Variants in PSKH2 observed in about 807,000 individuals in gnomAD.
PSKH2 encodes the protein protein serine kinase H2.
In PSKH2, 16 loss-of-function variants were observed where a neutral mutation model predicts 22.5. The ratio of observed to expected loss-of-function variants is 0.71; its 90% CI spans 0.48 to 1.08. PSKH2 has a LOEUF of 1.08. Ranked by LOEUF, PSKH2 falls within the 50% of genes least tolerant of loss-of-function variation. PSKH2 has a pLI of 0.00. For synonymous variants in PSKH2, 188 were observed against 184.8 expected, an observed-to-expected ratio of 1.02 and a Z score of -0.14; for missense variants, 516 against 492.8, an observed-to-expected ratio of 1.05 and a Z score of -0.44.
In PSKH2 at chr8:86,069,513, TCGGGCCCAGGCCC is replaced by T; in HGVS notation, c.97_109del (p.Gly33ArgfsTer44). On this transcript the variant is annotated frameshift_variant, in exon 1 of 3. Transcript: ENST00000276616. LOFTEE classifies it high-confidence loss of function. ...CCTCTGCGCCGCCTGGGCCGCCGCC[TCGGGCCCAGGCCC>T]CGCGCCTCCGACGCCGGCTTGGTTT... The T allele has an allele frequency of 6.2e-7, 1 of 1,608,584 alleles. No homozygotes were observed.
intron 2 of PSKH2, among the ~76,000 whole-genome samples, chr8:86,054,509 C>T (rs948952091): frequency 6.6e-6 from 1 of 152,138 alleles, no homozygotes; most frequent in African/African-American, 2.4e-5. Context: ...TCTTCCACAT[C>T]TCAGGAAGCA....
chr8:86,069,686 C>T (rs1817919740), upstream of PSKH2: 20 of 1,425,322 alleles, frequency 1.4e-5, no homozygotes, highest in Non-Finnish European at 1.6e-5. Context: ...CCCGTTCCTC[C>T]GCCCTTTATC....
Position 86,064,246 on chromosome 8 carries a change from A to G in PSKH2, c.571T>C (p.Tyr191His). ...HRNLKPENLLYYHPGEESKIL... is the reference protein window; with the variant it reads ...HRNLKPENLLHYHPGEESKIL... ...TTCGACTCTTCACCTGGATGATAGTATAAGAGGTTTTCAGGCTTTAGATTC... is the reference window on the plus strand; with the variant it reads ...TTCGACTCTTCACCTGGATGATAGTGTAAGAGGTTTTCAGGCTTTAGATTC... The change falls in exon 2 of 3, where the codon TAC becomes CAC. Residue 191 changes from tyrosine (Y) to histidine (H), a missense_variant. Transcript: ENST00000276616. 8 of 1,614,168 alleles carry G rather than the reference A, an allele frequency of 5.0e-6. No individual in the cohort carries two copies. Among genetic ancestry groups the G allele is most frequent in the Non-Finnish European group, 6.8e-6 (8 of 1,180,036 alleles).
At chr8:86,057,262 A>G (rs1817711745) in intron 2 of PSKH2, among the ~76,000 whole-genome samples, 2 of 141,514 alleles carry the variant, frequency 1.4e-5, no homozygotes, top group Admixed American at 1.5e-4. Context: ...ACAGTTTTTC[A>G]AAATACTTAA....
Position 86,048,525 on chromosome 8 carries a change from G to A in PSKH2, c.1095C>T (p.Ser365=), listed in dbSNP as rs150734240. 1.9e-6 allele frequency: 3 copies of A among 1,614,010 alleles called. No individual in the cohort carries two copies. The highest frequency in any genetic ancestry group is 2.7e-5 in the African/African-American group (2 of 74,910). Residue 365 remains serine (S), a synonymous_variant, in exon 3 of 3, where the codon TCC becomes TCT. Transcript: ENST00000276616. Reference sequence around the variant, plus strand: ...AGTTTCTCTTGCTCCACATATGCCTGGATTTGTGAGAATAATGTGACTTAG... The same window carrying A: ...AGTTTCTCTTGCTCCACATATGCCTAGATTTGTGAGAATAATGTGACTTAG... ...QSSKSHYSHK[S]RHMWSKRNLR...
chr8:86,064,168 A>G lies in PSKH2; in HGVS notation c.649T>C (p.Trp217Arg), dbSNP rs1193052610. 2.0e-5 allele frequency: 33 copies of G among 1,614,040 alleles called. No individual in the cohort carries two copies. Among genetic ancestry groups the G allele is most frequent in the Non-Finnish European group, 2.5e-5 (29 of 1,180,046 alleles). The change falls in exon 2 of 3, where the codon TGG (tryptophan) becomes CGG (arginine). Residue 217 changes from tryptophan to arginine, a missense_variant. Coordinates refer to ENST00000276616, the MANE Select transcript of PSKH2 (RefSeq NM_033126.3). ...GTCCCACAGAGTGTCTTCATTGTCC[A>G]GTCACCACTTTTTTTCCCGGAGTAT... ...LAYSGKKSGDWTMKTLCGTPE... is the reference protein window; with the variant it reads ...LAYSGKKSGDRTMKTLCGTPE...
rs983615720 is a variant in PSKH2, at chr8:86,064,010, C to G, written c.807G>C (p.Arg269Ser). The G allele has an allele frequency of 2.5e-6, 4 of 1,613,878 alleles. No individual in the cohort carries two copies. Among genetic ancestry groups the G allele is most frequent in the Non-Finnish European group, 3.4e-6 (4 of 1,179,948 alleles). ...TGCCTTTCAGAATCTTCCTGTAAAG[C>G]CTTGTCTGGCTTTCATCATCAAAAG... ...FLPFDDESQT[R>S]LYRKILKGKY... The change falls in exon 2 of 3, where the codon AGG becomes AGC. Residue 269 changes from arginine (R) to serine (S), a missense_variant. Coordinates refer to ENST00000276616, the MANE Select transcript of PSKH2 (RefSeq NM_033126.3).
chr8:86,058,825 G>A (rs1344212397), intron 2 of PSKH2, among the ~76,000 whole-genome samples: 1 of 152,122 alleles, frequency 6.6e-6, no homozygotes, highest in Admixed American at 6.5e-5. Flanking sequence ...GCTAGAGTAT[G>A]GCTCTGTTAG....
At chr8:86,054,647 CTAAT>C (rs1269698647) in intron 2 of PSKH2, among the ~76,000 whole-genome samples, 1 of 152,118 alleles carries the variant, frequency 6.6e-6, no homozygotes, top group East Asian at 1.9e-4. Flanking sequence ...AAAGCATTGA[CTAAT>C]TATGTCAGAA....
chr8:86,060,171 C>T (rs948796378), intron 2 of PSKH2, among the ~76,000 whole-genome samples: 1 of 152,206 alleles, frequency 6.6e-6, no homozygotes, highest in African/African-American at 2.4e-5. Context: ...TCCCCTCCCC[C>T]TCCCAGAACC....
At chr8:86,052,096 A>G (rs540892590) in intron 2 of PSKH2, among the ~76,000 whole-genome samples, 77 of 152,310 alleles carry the variant, frequency 5.1e-4, no homozygotes, top group African/African-American at 1.7e-3. Flanking sequence ...ATAAAAATGG[A>G]GTGTGCATGC....
At position 86,063,973 on chromosome 8, in the gene PSKH2, T is replaced by C. The variant is rs773285529; in HGVS notation, c.844A>G (p.Thr282Ala). Reference sequence around the variant, plus strand: ...AAATAATGCTCTCTTACCTCTCCTGTATAATTATATTTGCCTTTCAGAATC... The same window carrying C: ...AAATAATGCTCTCTTACCTCTCCTGCATAATTATATTTGCCTTTCAGAATC... Reference protein sequence around the residue: ...RKILKGKYNYTGEPWPSISHL... With the variant: ...RKILKGKYNYAGEPWPSISHL... The change falls in exon 2 of 3, where the codon ACA becomes GCA. Residue 282 changes from threonine (T) to alanine (A), a missense_variant. Thr to Ala is a moderately conservative substitution (Grantham distance 58). Transcript: ENST00000276616. 28 of 1,611,668 alleles carry C rather than the reference T, an allele frequency of 1.7e-5. No individual in the cohort carries two copies. Among genetic ancestry groups the C allele is most frequent in the African/African-American group, 8.0e-5 (6 of 74,902 alleles).
Position 86,064,065 on chromosome 8 carries a change from A to G in PSKH2, c.752T>C (p.Ile251Thr). The change falls in exon 2 of 3, where the codon ATC becomes ACC. Residue 251 changes from isoleucine (I) to threonine (T), a missense_variant. Physicochemically the swap from Ile to Thr is moderately conservative, Grantham distance 89. Transcript: ENST00000276616. ...SAVDMWALGVITYALLSGFLP... is the reference protein window; with the variant it reads ...SAVDMWALGVTTYALLSGFLP... ...GAATCCGCTAAGTAAAGCATATGTGATCACACCAAGAGCCCACATGTCCAC... is the reference window on the plus strand; with the variant it reads ...GAATCCGCTAAGTAAAGCATATGTGGTCACACCAAGAGCCCACATGTCCAC... 8.7e-6 allele frequency: 14 copies of G among 1,614,092 alleles called. No homozygotes were observed. Among genetic ancestry groups the G allele is most frequent in the Non-Finnish European group, 1.2e-5 (14 of 1,179,968 alleles).
chr8:86,052,360 C>G (rs1309942564), intron 2 of PSKH2, among the ~76,000 whole-genome samples: 1 of 152,212 alleles, frequency 6.6e-6, no homozygotes, highest in Non-Finnish European at 1.5e-5. Context: ...CCGAGTCCCA[C>G]TGCTAACCCA....
At chr8:86,061,811 G>A (rs1230037791) in intron 2 of PSKH2, among the ~76,000 whole-genome samples, 1 of 152,164 alleles carries the variant, frequency 6.6e-6, no homozygotes, top group Non-Finnish European at 1.5e-5. Flanking sequence ...GATGACTGCA[G>A]TCCCATCCAA....
chr8:86,054,004 C>A (rs985256014), intron 2 of PSKH2, among the ~76,000 whole-genome samples: 3 of 152,042 alleles, frequency 2.0e-5, no homozygotes, highest in African/African-American at 7.2e-5. Context: ...ACCACAGTAA[C>A]CAGCCTGGGT....
chr8:86,050,138 G>A (rs1817609837), intron 2 of PSKH2, among the ~76,000 whole-genome samples: 1 of 152,166 alleles, frequency 6.6e-6, no homozygotes, highest in Non-Finnish European at 1.5e-5. Context: ...ACTTCATAGT[G>A]GCATTTCTGA....
intron 2 of PSKH2, among the ~76,000 whole-genome samples, chr8:86,049,294 C>T (rs2130136926): frequency 1.3e-5 from 2 of 152,192 alleles, no homozygotes; most frequent in East Asian, 3.9e-4. Flanking sequence ...CACAGTAGCT[C>T]ACGTTTGTAA....
chr8:86,068,858 G>A (rs1817903929), intron 1 of PSKH2, among the ~76,000 whole-genome samples: 1 of 151,860 alleles, frequency 6.6e-6, no homozygotes, highest in Admixed American at 6.6e-5. Flanking sequence ...TCCGAAGATA[G>A]GAATTCCTTC....
Sources: gnomAD v4.1 joint callset for allele counts (sites outside exome capture counted in the v4.1 genomes callset) on GRCh38, gnomAD v4.1.1 for gene constraint, MANE v1.5 for transcripts, NCBI Gene and HGNC (gene_info 2026-07-23, HGNC 2026-07-21) for gene names.